Variants in MBD5 observed in about 807,000 individuals in gnomAD.
MBD5 encodes the protein methyl-CpG-binding domain protein 5.
MBD5 carries 13 observed loss-of-function variants against 117.3 expected under a neutral mutation model. That is an observed-to-expected ratio of 0.11 (90% CI 0.07 to 0.18). MBD5 has a LOEUF of 0.18. Ranked by LOEUF, MBD5 falls within the 10% of genes least tolerant of loss-of-function variation. The pLI, the probability that MBD5 is intolerant of heterozygous loss-of-function variation, is 1.00. For missense variants in MBD5, 1,879 were observed against 2,093.8 expected (o/e 0.90, Z 2.00); for synonymous variants, 727 against 766.4 (o/e 0.95, Z 0.85).
Position 148,458,835 on chromosome 2 carries a change from A to G in MBD5, c.77A>G (p.Gln26Arg). ...LPAIQVPVGW[Q>R]RRVDQNGVLY... is the part of the protein sequence containing the mutation. ...GCTATACAAGTTCCTGTGGGTTGGC[A>G]GCGTCGTGTGGATCAAAATGGAGTG... Residue 26 changes from glutamine (Q) to arginine (R), a missense_variant, in exon 5 of 14, where the codon CAG becomes CGG. Physicochemically the swap from Gln to Arg is conservative, Grantham distance 43 (BLOSUM62 1). Coordinates refer to ENST00000642680, the MANE Select transcript of MBD5 (RefSeq NM_001378120.1). The G allele has an allele frequency of 6.2e-7, 1 of 1,613,700 alleles. No homozygotes were observed. Among genetic ancestry groups the G allele is most frequent in the South Asian group, 1.1e-5 (1 of 91,078 alleles).
intron 3 of MBD5, among the ~76,000 whole-genome samples, chr2:148,241,114 A>G (rs1485234886): frequency 6.6e-6 from 1 of 151,960 alleles, no homozygotes; most frequent in East Asian, 1.9e-4. Flanking sequence ...TTACATTTCT[A>G]AGAAATTTTT....
At chr2:148,453,846 G>A (rs1048768770) in intron 4 of MBD5, among the ~76,000 whole-genome samples, 71 of 151,914 alleles carry the variant, frequency 4.7e-4, no homozygotes, top group Non-Finnish European at 1.0e-4. Flanking sequence ...AAGAAGGCAC[G>A]CATCAGTTTC....
chr2:148,456,363 C>T (rs1027611119), intron 4 of MBD5, among the ~76,000 whole-genome samples: 10 of 152,064 alleles, frequency 6.6e-5, no homozygotes, highest in African/African-American at 1.9e-4. Context: ...TGGCTCTGCC[C>T]CCATGACCTA....
At chr2:148,030,584 A>C (rs1163993351) in intron 1 of MBD5, among the ~76,000 whole-genome samples, 1 of 152,192 alleles carries the variant, frequency 6.6e-6, no homozygotes, top group African/African-American at 2.4e-5. Flanking sequence ...ATTAAGAAAA[A>C]ATCTGGAAGA....
chr2:148,172,384 A>G (rs960159937), intron 1 of MBD5, among the ~76,000 whole-genome samples: 1 of 152,160 alleles, frequency 6.6e-6, no homozygotes, highest in Non-Finnish European at 1.5e-5. Context: ...GTGACCAGTC[A>G]AGTGTGTGCA....
At chr2:148,464,435 C>A (rs1435770335) in intron 7 of MBD5, among the ~76,000 whole-genome samples, 3 of 152,080 alleles carry the variant, frequency 2.0e-5, no homozygotes, top group Non-Finnish European at 4.4e-5. Flanking sequence ...AAGAATAGTT[C>A]ATGGAGTATC....
At chr2:148,130,333 T>C (rs1697007930) in intron 1 of MBD5, among the ~76,000 whole-genome samples, 1 of 152,192 alleles carries the variant, frequency 6.6e-6, no homozygotes, top group Admixed American at 6.5e-5. Context: ...AATGACCCTG[T>C]ACATCTCAGA....
intron 1 of MBD5, among the ~76,000 whole-genome samples, chr2:148,090,039 T>C (rs1401379442): frequency 6.6e-6 from 1 of 151,988 alleles, no homozygotes; most frequent in African/African-American, 2.4e-5. Context: ...AAAAGATCAT[T>C]CAAGCCTACT....
At chr2:148,184,503 G>A (rs1487493104) in intron 2 of MBD5, among the ~76,000 whole-genome samples, 1 of 151,652 alleles carries the variant, frequency 6.6e-6, no homozygotes, top group East Asian at 1.9e-4. Context: ...TTATATTTTT[G>A]TACCTAATAT....
rs57110874 is a variant in MBD5, at chr2:148,374,240, T to TACACACAC, written c.-557+31933_-557+31940dup. 3.6e-3 allele frequency among the ~76,000 whole-genome samples: 506 copies of TACACACAC among 141,962 alleles called. 5 individuals carry two copies. Among genetic ancestry groups the TACACACAC allele is most frequent in the African/African-American group, 7.9e-3 (308 of 39,074 alleles). The allele number at this position is 141,962 out of a possible 152,430, so 93.1% of individuals were successfully genotyped here. ...ATTCCAAACTAAATATGTTTATGCA[T>TACACACAC]ACACACACACACACACACACACACA... is the stretch of plus-strand genomic sequence containing the variant. On this transcript the variant is annotated intron_variant, in intron 4 of 13. Transcript: ENST00000642680.
intron 4 of MBD5, among the ~76,000 whole-genome samples, chr2:148,353,056 G>C (rs1360721440): frequency 6.6e-6 from 1 of 151,980 alleles, no homozygotes; most frequent in Non-Finnish European, 1.5e-5. Context: ...TGAGGATAGA[G>C]AAATAAAATT....
At chr2:148,115,826 C>G (rs1025307909) in intron 1 of MBD5, among the ~76,000 whole-genome samples, 3 of 151,860 alleles carry the variant, frequency 2.0e-5, no homozygotes, top group Admixed American at 6.6e-5. Flanking sequence ...TTCCAGAGAT[C>G]TTATCATTTT....
intron 2 of MBD5, among the ~76,000 whole-genome samples, chr2:148,224,522 T>C (rs1447413886): frequency 7.3e-6 from 1 of 137,590 alleles, no homozygotes; most frequent in East Asian, 2.1e-4. Flanking sequence ...TTTTTTTTTT[T>C]TTTTTTTTTT....
chr2:148,479,383 C>G (rs969499520), intron 8 of MBD5, among the ~76,000 whole-genome samples: 1 of 152,180 alleles, frequency 6.6e-6, no homozygotes, highest in African/African-American at 2.4e-5. Context: ...CACACCAACA[C>G]ATAGCATCAA....
chr2:148,029,728 T>C (rs1273282361), intron 1 of MBD5, among the ~76,000 whole-genome samples: 1 of 152,346 alleles, frequency 6.6e-6, no homozygotes, highest in Non-Finnish European at 1.5e-5. Context: ...GCAAATTTGC[T>C]ATGTTACATT....
At chr2:148,299,288 C>T (rs925117836) in intron 3 of MBD5, among the ~76,000 whole-genome samples, 8 of 151,950 alleles carry the variant, frequency 5.3e-5, no homozygotes, top group African/African-American at 2.4e-5. Context: ...CCACCACACC[C>T]GGCTAATTTT....
intron 1 of MBD5, among the ~76,000 whole-genome samples, chr2:148,152,676 C>A: frequency 6.6e-6 from 1 of 151,916 alleles, no homozygotes; most frequent in Admixed American, 6.6e-5. Context: ...TTGAATTGAT[C>A]CCTTTACCAT....
intron 4 of MBD5, among the ~76,000 whole-genome samples, chr2:148,397,769 A>G (rs1476861813): frequency 6.6e-6 from 1 of 151,928 alleles, no homozygotes; most frequent in Non-Finnish European, 1.5e-5. Context: ...CTCATTTAGC[A>G]TTAGGTATAT....
At chr2:148,075,784 T>C (rs1695494430) in intron 1 of MBD5, among the ~76,000 whole-genome samples, 1 of 152,138 alleles carries the variant, frequency 6.6e-6, no homozygotes, top group South Asian at 2.1e-4. Flanking sequence ...AAGTACAGTT[T>C]CTGTAACTGT....
Sources: gnomAD v4.1 joint callset for allele counts (sites outside exome capture counted in the v4.1 genomes callset) on GRCh38, gnomAD v4.1.1 for gene constraint, MANE v1.5 for transcripts, NCBI Gene and HGNC (gene_info 2026-07-23, HGNC 2026-07-21) for gene names.